The following PRRC2A variants were observed in gnomAD, a reference collection of about 807,000 sequenced individuals.
PRRC2A encodes protein PRRC2A.
In PRRC2A, 59 loss-of-function variants were observed where a neutral mutation model predicts 224.6. The ratio of observed to expected loss-of-function variants is 0.26; its 90% CI spans 0.21 to 0.33. The LOEUF (loss-of-function observed/expected upper bound fraction) is 0.33, where lower values mean the gene tolerates loss of function less well. PRRC2A is among the 10% of genes least tolerant of loss of function. The pLI is 1.00. For missense variants in PRRC2A, 3,095 were observed against 2,880.7 expected (o/e 1.07, Z -1.70); for synonymous variants, 1,194 against 1,109.5 (o/e 1.08, Z -1.51).
In PRRC2A at chr6:31,631,092, G is replaced by A; in HGVS notation, c.2466-47G>A. ...AAGTGTTCTTTTCCCACCTAGTTCT[G>A]GTTTTCCTGAGATACTTATTTCCAT... On this transcript the variant is annotated intron_variant, in intron 15 of 30. Transcript: ENST00000376033. This position sits in a 1 kb window ranked among gnomAD's most constrained non-coding sequence, Gnocchi z 4.5. 4 of 1,424,412 alleles carry A rather than the reference G, an allele frequency of 2.8e-6. No homozygotes were observed. Among genetic ancestry groups the A allele is most frequent in the Non-Finnish European group, 3.8e-6 (4 of 1,053,640 alleles). 88.2% of individuals were successfully genotyped at this position (1,424,412 alleles called of 1,614,324 possible).
Position 31,636,889 on chromosome 6 carries a change from ACTCGGGTGCTGC to A in PRRC2A, c.6094_6105del (p.Arg2032_Pro2035del), listed in dbSNP as rs1353796837. Reference sequence around the variant, plus strand: ...TGTGCGGCCCCCACCTGCTCCTGCTACTCGGGTGCTGCCTTCACCTGCCAGGCCCTTCCCCGC... The same window carrying A: ...TGTGCGGCCCCCACCTGCTCCTGCTACTTCACCTGCCAGGCCCTTCCCCGC... On this transcript the variant is annotated inframe_deletion, in exon 28 of 31. Transcript: ENST00000376033. The surrounding 1 kb of genome is among the most constrained non-coding windows in gnomAD (Gnocchi z 4.3). The A allele has an allele frequency of 8.7e-6, 14 of 1,612,604 alleles. No homozygotes were observed. The highest frequency in any genetic ancestry group is 1.2e-5 in the Non-Finnish European group (14 of 1,179,982).
Position 31,632,875 on chromosome 6 carries a change from C to A in PRRC2A, c.4202C>A (p.Pro1401Gln). Residue 1401 changes from proline (P) to glutamine (Q), a missense_variant, in exon 16 of 31, where the codon CCA (proline) becomes CAA (glutamine). This residue lies in a region of PRRC2A where 2,001 missense variants were observed against 1,764.9 expected (regional missense o/e 1.13). Transcript: ENST00000376033. The part of the protein sequence containing the change: ...GMERQNRRPG[P>Q]GGKAGSSGSS... ...GAACGGCAGAATCGGCGCCCTGGCCCAGGGGGCAAGGCTGGCAGCAGTGGC... is the reference window on the plus strand; with the variant it reads ...GAACGGCAGAATCGGCGCCCTGGCCAAGGGGGCAAGGCTGGCAGCAGTGGC... The A allele has an allele frequency of 1.2e-6, 2 of 1,613,046 alleles. No homozygotes were observed. The highest frequency in any genetic ancestry group is 1.7e-6 in the Non-Finnish European group (2 of 1,179,998).
In PRRC2A at chr6:31,631,680, C is replaced by G. The variant is rs1372854757; in HGVS notation, c.3007C>G (p.Leu1003Val). 1.3e-6 allele frequency: 2 copies of G among 1,513,818 alleles called. No individual in the cohort carries two copies. Among genetic ancestry groups the G allele is most frequent in the South Asian group, 2.7e-5 (2 of 74,714 alleles). The allele number at this position is 1,513,818 out of a possible 1,614,324, so 93.8% of individuals were successfully genotyped here. ...GPKETPPNGN[L>V]SPAPRLRRDY... ...CAAGGAGACCCCACCCAATGGAAAT[C>G]TTTCCCCTGCCCCAAGGCTTCGGAG... Residue 1003 changes from leucine (L) to valine (V), a missense_variant, in exon 16 of 31, where the codon CTT becomes GTT. Coordinates refer to ENST00000376033, the MANE Select transcript of PRRC2A (RefSeq NM_004638.4). The surrounding 1 kb of genome is among the most constrained non-coding windows in gnomAD (Gnocchi z 4.5).
chr6:31,626,084 G>A lies in PRRC2A; in HGVS notation c.904G>A (p.Gly302Ser). The A allele has an allele frequency of 6.2e-7, 1 of 1,612,986 alleles. No individual in the cohort carries two copies. The highest frequency in any genetic ancestry group is 8.5e-7 in the Non-Finnish European group (1 of 1,179,954). ...ACCAATGCGCTTAGTAGAGCCTGTG[G>A]GTCGTCCCTCTATTCTCAAAGAGGA... is the stretch of plus-strand genomic sequence containing the variant. Reference protein sequence around the residue: ...GPPMRLVEPVGRPSILKEDNL... With the variant: ...GPPMRLVEPVSRPSILKEDNL... The change falls in exon 9 of 31, where the codon GGT becomes AGT. Residue 302 changes from glycine (G) to serine (S), a missense_variant. Physicochemically the swap from Gly to Ser is moderately conservative, Grantham distance 56. Around this residue, in one of 8 missense-constraint regions of PRRC2A, gnomAD observed 287 missense variants for 275.3 expected, o/e 1.04. Transcript: ENST00000376033.
chr6:31,622,333 GCTT>G (rs1775383180), intron 1 of PRRC2A, among the ~76,000 whole-genome samples: 1 of 152,182 alleles, frequency 6.6e-6, no homozygotes, highest in African/African-American at 2.4e-5. Context: ...GGAATTGTAT[GCTT>G]CTTTTTTAGT....
At chr6:31,635,808 G>A in intron 24 of PRRC2A, 59 bp downstream of exon 24, 2 of 1,519,742 alleles carry the variant, frequency 1.3e-6, no homozygotes, top group Non-Finnish European at 8.9e-7. Flanking sequence ...TTTCTGCCTG[G>A]TATGTATTTA....
rs761799462 is a variant in PRRC2A at position 31,625,145 on chromosome 6, C to A, written c.464-26C>A. The stretch of plus-strand genomic sequence containing the variant: ...TGTCCTCAGGAAATGTCTTCTGTCT[C>A]CTGTTCTGCATCCCCATCCTAATAG... On this transcript the variant is annotated intron_variant, in intron 5 of 30. Transcript: ENST00000376033. This position sits in a 1 kb window ranked among gnomAD's most constrained non-coding sequence, Gnocchi z 4.1. 115 of 1,603,742 alleles carry A rather than the reference C, an allele frequency of 7.2e-5. No individual in the cohort carries two copies. Among genetic ancestry groups the A allele is most frequent in the Non-Finnish European group, 9.3e-5 (109 of 1,173,268 alleles).
intron 3 of PRRC2A, 58 bp downstream of exon 3, chr6:31,623,967 G>A: frequency 1.3e-6 from 2 of 1,584,958 alleles, no homozygotes; most frequent in South Asian, 2.3e-5. Flanking sequence ...ACTTCAGGGA[G>A]CATTGGGGCT....
rs1387796668 is a variant in PRRC2A, at chr6:31,632,304, G to A, written c.3631G>A (p.Glu1211Lys). The change falls in exon 16 of 31, where the codon GAG (glutamate) becomes AAG (lysine). Residue 1211 changes from glutamate to lysine, a missense_variant. This residue lies in a region of PRRC2A where 2,001 missense variants were observed against 1,764.9 expected (regional missense o/e 1.13). Transcript: ENST00000376033. ...PLPPSKEPLK[E>K]KLIPGPLSPV... The stretch of plus-strand genomic sequence containing the variant: ...GCCACCAAGTAAGGAGCCTTTGAAA[G>A]AGAAGTTGATCCCAGGGCCTCTGTC... 2.5e-6 allele frequency: 4 copies of A among 1,613,208 alleles called. No homozygotes were observed. The African/African-American group carries it at 4.0e-5, about 16-fold the overall frequency.
rs768970539 is a variant in PRRC2A, at chr6:31,632,342, C to T, written c.3669C>T (p.Arg1223=). The change falls in exon 16 of 31, where the codon CGC becomes CGT. Residue 1223 remains arginine, a synonymous_variant. Coordinates refer to ENST00000376033, the MANE Select transcript of PRRC2A (RefSeq NM_004638.4). The stretch of plus-strand genomic sequence containing the variant: ...CAGGGCCTCTGTCCCCTGTGGCGCG[C>T]GGAGGCAGCAATGGAGGTAGCAATG... The part of the protein sequence containing the change: ...LIPGPLSPVA[R]GGSNGGSNVG... The T allele has an allele frequency of 7.5e-5, 121 of 1,613,242 alleles. No individual in the cohort carries two copies. Among genetic ancestry groups the T allele is most frequent in the Non-Finnish European group, 9.1e-5 (107 of 1,180,004 alleles).
chr6:31,635,301 G>A (rs775727575), intron 22 of PRRC2A, 29 bp downstream of exon 22: 3 of 1,613,772 alleles, frequency 1.9e-6, no homozygotes, highest in South Asian at 1.1e-5. Flanking sequence ...TGGGTATCCT[G>A]AGTTGGGTGG....
intron 20 of PRRC2A, 57 bp from the exon 21 acceptor site, chr6:31,634,696 C>G: frequency 6.4e-6 from 10 of 1,572,680 alleles, no homozygotes; most frequent in Non-Finnish European, 8.7e-6. Context: ...GTGCATCAGT[C>G]AGGTATTGGG....
At position 31,633,963 on chromosome 6, in the gene PRRC2A, C is replaced by T; in HGVS notation, c.4693C>T (p.Pro1565Ser). Residue 1565 changes from proline (P) to serine (S), a missense_variant, in exon 18 of 31, where the codon CCC (proline) becomes TCC (serine). Coordinates refer to ENST00000376033, the MANE Select transcript of PRRC2A (RefSeq NM_004638.4). ...TCCCCCTAAACGTCGGGAGCGGCCT[C>T]CCAGAAAACCAGAGCTGCTACAGGA... ...PFPPKRRERP[P>S]RKPELLQEES... 6.2e-7 allele frequency: 1 copy of T among 1,603,772 alleles called. No individual in the cohort carries two copies. Among genetic ancestry groups the T allele is most frequent in the Non-Finnish European group, 8.5e-7 (1 of 1,177,618 alleles).
chr6:31,624,011 A>G, intron 3 of PRRC2A, 102 bp downstream of exon 3: 1 of 1,389,662 alleles, frequency 7.2e-7, no homozygotes. Flanking sequence ...GCCAGAGACG[A>G]AGAGGTCCCT....
chr6:31,635,297 T>C, intron 22 of PRRC2A, 25 bp downstream of exon 22: 1 of 1,613,832 alleles, frequency 6.2e-7, no homozygotes, highest in Non-Finnish European at 8.5e-7. Flanking sequence ...GATCTGGGTA[T>C]CCTGAGTTGG....
rs1257264675 is a variant in PRRC2A at position 31,630,806 on chromosome 6, G to C, written c.2465+5G>C. 6.2e-7 allele frequency: 1 copy of C among 1,613,796 alleles called. No individual in the cohort carries two copies. The highest frequency in any genetic ancestry group is 1.3e-5 in the African/African-American group (1 of 75,048). ...TGAGGATGACAAGGGGATGAGGTGA[G>C]TCTTGGTCATGAGAAATGGGTGAGT... On this transcript the variant is annotated splice_donor_5th_base_variant and intron_variant, in intron 15 of 30. Coordinates refer to ENST00000376033, the MANE Select transcript of PRRC2A (RefSeq NM_004638.4).
intron 17 of PRRC2A, 79 bp from the exon 18 acceptor site, chr6:31,633,780 A>G (rs376117086): frequency 2.0e-6 from 3 of 1,532,396 alleles, no homozygotes. Flanking sequence ...GGGTAGAAGA[A>G]TTGGGAGGTG....
Position 31,625,952 on chromosome 6 carries a change from T to C in PRRC2A, c.840-68T>C, listed in dbSNP as rs56075244. 9.4e-6 allele frequency: 15 copies of C among 1,594,206 alleles called. No individual in the cohort carries two copies. The highest frequency in any genetic ancestry group is 1.2e-5 in the Non-Finnish European group (14 of 1,166,814). Reference sequence around the variant, plus strand: ...GGAGATGGTTTTCTAGCCAGGAGGCTCAGTCTAGGATCAGTCTCGCATGTG... The same window carrying C: ...GGAGATGGTTTTCTAGCCAGGAGGCCCAGTCTAGGATCAGTCTCGCATGTG... On this transcript the variant is annotated intron_variant, in intron 8 of 30. Coordinates refer to ENST00000376033, the MANE Select transcript of PRRC2A (RefSeq NM_004638.4). The surrounding 1 kb of genome is among the most constrained non-coding windows in gnomAD (Gnocchi z 4.1).
rs780353217 is a variant in PRRC2A, at chr6:31,635,420, A to G, written c.5328A>G (p.Gly1776=). Residue 1776 remains glycine (G), a synonymous_variant, in exon 23 of 31, where the codon GGA becomes GGG. Transcript: ENST00000376033. ...ACTCAGACTTACGCCTAGTGGTAGG[A>G]GACAGCTTGAAAGCAGAGAAGGAGC... The part of the protein sequence containing the change: ...DKDSDLRLVV[G]DSLKAEKELT... 15 of 1,614,266 alleles carry G rather than the reference A, an allele frequency of 9.3e-6. No individual in the cohort carries two copies. The South Asian group carries it at 1.4e-4, about 15-fold the overall frequency.
Sources: gnomAD v4.1 joint callset for allele counts (sites outside exome capture counted in the v4.1 genomes callset) on GRCh38, gnomAD v4.1.1 for gene constraint, gnomAD v4.1.1 regional missense constraint, Gnocchi (gnomAD v3.1) non-coding constraint, MANE v1.5 for transcripts, NCBI Gene and HGNC (gene_info 2026-07-23, HGNC 2026-07-21) for gene names.